KCNMA1: variants seen among roughly 807,000 people sequenced by gnomAD.
KCNMA1 encodes potassium calcium-activated channel subfamily M alpha 1, also known as Calcium-activated potassium channel subunit alpha-1.
In KCNMA1, 29 loss-of-function variants were observed where a neutral mutation model predicts 140.0. The observed-to-expected ratio is 0.21, with a 90% confidence interval of 0.15 to 0.28. The LOEUF is 0.28. KCNMA1 is among the 10% of genes least tolerant of loss of function. The probability of loss-of-function intolerance (pLI) is 1.00; values close to 1 mark genes in which losing one functional copy is unlikely to be tolerated. For synonymous variants in KCNMA1, 612 were observed against 611.9 expected (o/e 1.00, Z 0.00); for missense variants, 880 against 1,602.2 (o/e 0.55, Z 7.70).
chr10:77,129,671 C>G (rs966485226), intron 5 of KCNMA1, among the ~76,000 whole-genome samples: 1 of 151,604 alleles, frequency 6.6e-6, no homozygotes, highest in Non-Finnish European at 1.5e-5. Flanking sequence ...GTGTTTATGA[C>G]TAAATAACCA....
At chr10:76,914,267 T>C (rs2152427805) in intron 24 of KCNMA1, 1 of 689,648 alleles carries the variant, frequency 1.5e-6, no homozygotes, top group Non-Finnish European at 2.5e-6. Flanking sequence ...AGTTTGCATT[T>C]GTCTTGGGGG....
intron 1 of KCNMA1, among the ~76,000 whole-genome samples, chr10:77,557,712 G>A (rs1212616883): frequency 6.7e-6 from 1 of 149,702 alleles, no homozygotes; most frequent in Non-Finnish European, 1.5e-5. Context: ...GAATGCAATG[G>A]CATGATCTCA....
intron 2 of KCNMA1, among the ~76,000 whole-genome samples, chr10:77,274,069 C>T (rs892050802): frequency 6.6e-6 from 1 of 152,118 alleles, no homozygotes; most frequent in Non-Finnish European, 1.5e-5. Context: ...GGAGATTTGC[C>T]TTGCAAACAA....
chr10:77,452,965 A>G (rs2097690708), intron 1 of KCNMA1, among the ~76,000 whole-genome samples: 1 of 152,152 alleles, frequency 6.6e-6, no homozygotes, highest in African/African-American at 2.4e-5. Context: ...AAGTTCCTTA[A>G]TCTCATCTGG....
chr10:77,264,734 G>T (rs540376307), intron 2 of KCNMA1, among the ~76,000 whole-genome samples: 1 of 152,202 alleles, frequency 6.6e-6, no homozygotes, highest in South Asian at 2.1e-4. Context: ...CAGGGTTTAC[G>T]GTCTCTTGCT....
intron 19 of KCNMA1, among the ~76,000 whole-genome samples, chr10:76,975,663 G>A (rs1270748305): frequency 6.6e-6 from 1 of 152,168 alleles, no homozygotes; most frequent in Non-Finnish European, 1.5e-5. Flanking sequence ...GCAGTATCAG[G>A]GTGCAGGGGA....
rs112848038 is a variant in KCNMA1 at position 76,891,772 on chromosome 10, T to C, written c.3148-53A>G. Reference sequence around the variant, plus strand: ...AGTCCTTTAAGCAAACACCCTAAAGTCATGACAGCCGACATCCAAATTACA... The same window carrying C: ...AGTCCTTTAAGCAAACACCCTAAAGCCATGACAGCCGACATCCAAATTACA... On this transcript the variant is annotated intron_variant, in intron 25 of 27. Transcript: ENST00000286628. 9.0e-6 allele frequency: 13 copies of C among 1,449,978 alleles called. No homozygotes were observed. The African/African-American group carries it at 9.7e-5, about 11-fold the overall frequency. 89.8% of individuals were successfully genotyped at this position (1,449,978 alleles called of 1,614,324 possible).
chr10:77,396,141 C>A (rs1347596243), intron 2 of KCNMA1, among the ~76,000 whole-genome samples: 1 of 152,164 alleles, frequency 6.6e-6, no homozygotes, highest in Non-Finnish European at 1.5e-5. Flanking sequence ...AAAACTCCAA[C>A]TGATTCCCAA....
intron 5 of KCNMA1, among the ~76,000 whole-genome samples, chr10:77,145,138 C>A (rs1025514413): frequency 4.6e-5 from 7 of 152,160 alleles, no homozygotes; most frequent in Admixed American, 3.3e-4. Flanking sequence ...CATCTGCCAG[C>A]CTCTTCCTAG....
chr10:77,165,029 T>C (rs2098622561), intron 5 of KCNMA1, among the ~76,000 whole-genome samples: 1 of 152,132 alleles, frequency 6.6e-6, no homozygotes, highest in East Asian at 1.9e-4. Context: ...AATACAGACT[T>C]CTGAAGAATG....
At chr10:76,914,024 G>A (rs571513516) in intron 24 of KCNMA1, 37 of 1,453,542 alleles carry the variant, frequency 2.5e-5, no homozygotes, top group Admixed American at 2.0e-4. Context: ...AACAAAAGGA[G>A]ATACTGATGT....
intron 1 of KCNMA1, among the ~76,000 whole-genome samples, chr10:77,461,787 C>T (rs910303203): frequency 2.6e-5 from 4 of 152,196 alleles, no homozygotes; most frequent in African/African-American, 9.7e-5. Context: ...GCTTTGTCTT[C>T]CTCTTCCTTC....
At chr10:77,450,620 A>C (rs972229091) in intron 1 of KCNMA1, among the ~76,000 whole-genome samples, 1 of 152,194 alleles carries the variant, frequency 6.6e-6, no homozygotes, top group African/African-American at 2.4e-5. Flanking sequence ...CAAAACTTTA[A>C]GGTATCTCAC....
downstream of KCNMA1, chr10:76,873,957 G>A (rs569163764): frequency 6.6e-6 from 1 of 152,128 alleles, no homozygotes; most frequent in South Asian, 2.1e-4. Context: ...AACATAAATG[G>A]GGAAAATGGC....
chr10:77,367,309 GTT>G (rs913394470), intron 2 of KCNMA1, among the ~76,000 whole-genome samples: 4 of 152,166 alleles, frequency 2.6e-5, no homozygotes, highest in Non-Finnish European at 5.9e-5. Context: ...CTTACTTTAA[GTT>G]TTTTGAAGTG....
intron 1 of KCNMA1, among the ~76,000 whole-genome samples, chr10:77,570,164 C>A (rs979505368): frequency 6.6e-5 from 10 of 150,578 alleles, no homozygotes; most frequent in East Asian, 2.0e-4. Flanking sequence ...TCAACCATTG[C>A]GGAAGTCAGT....
In KCNMA1 at chr10:77,121,190, T is replaced by C. The variant is rs182027406; in HGVS notation, c.809-142A>G. The C allele has an allele frequency of 4.8e-4, 327 of 681,826 alleles. 4 individuals carry two copies. In the East Asian group the frequency reaches 8.5e-3, roughly 18 times the overall value. The allele number at this position is 681,826 out of a possible 1,614,324, so 42.2% of individuals were successfully genotyped here. On this transcript the variant is annotated intron_variant, in intron 5 of 27. Transcript: ENST00000286628. ...GATAAACCAGCTGGTACCTCAGACATATTCCTTCATTCTGATTCTTGACTG... is the reference window on the plus strand; with the variant it reads ...GATAAACCAGCTGGTACCTCAGACACATTCCTTCATTCTGATTCTTGACTG...
chr10:77,198,968 G>A (rs968279547), intron 3 of KCNMA1, among the ~76,000 whole-genome samples: 1 of 152,120 alleles, frequency 6.6e-6, no homozygotes, highest in Non-Finnish European at 1.5e-5. Context: ...CAGTGTGAAT[G>A]AGCAGTGCAC....
At chr10:77,064,100 GT>G in intron 14 of KCNMA1, 1 of 985,294 alleles carries the variant, frequency 1.0e-6, no homozygotes, top group Non-Finnish European at 1.2e-6. Flanking sequence ...TCTTTGTTCA[GT>G]CCATGCCAAG....
Sources: gnomAD v4.1 joint callset for allele counts (sites outside exome capture counted in the v4.1 genomes callset) on GRCh38, gnomAD v4.1.1 for gene constraint, MANE v1.5 for transcripts, NCBI Gene and HGNC (gene_info 2026-07-23, HGNC 2026-07-21) for gene names.